The following CRACR2A variants were observed in gnomAD, a reference collection of about 807,000 sequenced individuals.
The protein encoded by CRACR2A is EF-hand calcium-binding domain-containing protein 4B.
CRACR2A carries 79 observed loss-of-function variants against 90.5 expected under a neutral mutation model. The observed-to-expected ratio is 0.87, with a 90% CI of 0.73 to 1.05. The LOEUF (loss-of-function observed/expected upper bound fraction) is 1.05, where lower values mean the gene tolerates loss of function less well. CRACR2A is among the 50% of genes least tolerant of loss of function. The pLI, the probability that CRACR2A is intolerant of heterozygous loss-of-function variation, is 0.00. For synonymous variants in CRACR2A, 338 were observed against 356.7 expected, an observed-to-expected ratio of 0.95 and a Z score of 0.59; for missense variants, 823 against 897.2, an observed-to-expected ratio of 0.92 and a Z score of 1.06.
At chr12:3,698,686 T>G (rs1344856179) in intron 3 of CRACR2A, among the ~76,000 whole-genome samples, 1 of 152,232 alleles carries the variant, frequency 6.6e-6, no homozygotes, top group Admixed American at 6.5e-5. Flanking sequence ...CACCTAATCC[T>G]AAGCAGATTT....
intron 10 of CRACR2A, among the ~76,000 whole-genome samples, chr12:3,652,362 T>C (rs1369506751): frequency 6.6e-6 from 1 of 152,232 alleles, no homozygotes; most frequent in Non-Finnish European, 1.5e-5. Flanking sequence ...TGATTTTGCT[T>C]GTTCACAATG....
At chr12:3,680,102 T>C (rs1945417116) in intron 5 of CRACR2A, 136 bp downstream of exon 5, 2 of 644,966 alleles carry the variant, frequency 3.1e-6, no homozygotes, top group East Asian at 2.9e-5. Context: ...CTGGAGACCT[T>C]GAGCTCCAGG....
At chr12:3,720,464 A>AAGCAAGCAAGCAAGCAAGCAAGCAAGC (rs1946152835) in intron 2 of CRACR2A, among the ~76,000 whole-genome samples, 237 of 150,900 alleles carry the variant, frequency 1.6e-3, no homozygotes, top group African/African-American at 5.5e-3. Context: ...AGAAAGAAAG[A>AAGCAAGCAAGCAAGCAAGCAAGCAAGC]AAGCAAAAGA....
chr12:3,649,660 G>A (rs1324050629), intron 10 of CRACR2A, among the ~76,000 whole-genome samples: 1 of 152,144 alleles, frequency 6.6e-6, no homozygotes, highest in Non-Finnish European at 1.5e-5. Context: ...GCAACTAGAG[G>A]GCAACTCAGG....
chr12:3,659,368 G>C (rs540348233), intron 8 of CRACR2A, among the ~76,000 whole-genome samples, 196 bp downstream of exon 8: 2 of 152,130 alleles, frequency 1.3e-5, no homozygotes, highest in East Asian at 1.9e-4. Context: ...AGCAGGAGGA[G>C]ATAGACACTC....
chr12:3,750,088 A>G (rs1226342941), intron 1 of CRACR2A, among the ~76,000 whole-genome samples: 2 of 151,868 alleles, frequency 1.3e-5, no homozygotes, highest in Admixed American at 6.6e-5. Context: ...GGTGCCTGCC[A>G]CCAAGCCCAG....
At chr12:3,747,432 C>G (rs1392071045) in intron 1 of CRACR2A, among the ~76,000 whole-genome samples, 1 of 152,140 alleles carries the variant, frequency 6.6e-6, no homozygotes, top group Non-Finnish European at 1.5e-5. Context: ...GGAAGCTGGC[C>G]TCCCTCCCGC....
At chr12:3,673,333 C>T (rs1680153211) in intron 7 of CRACR2A, 113 bp downstream of exon 7, 3 of 1,341,502 alleles carry the variant, frequency 2.2e-6, no homozygotes, top group Non-Finnish European at 3.1e-6. Flanking sequence ...CTTTGGCAGA[C>T]AGCAAAAGGA....
At chr12:3,748,969 T>G (rs1355004848) in intron 1 of CRACR2A, among the ~76,000 whole-genome samples, 1 of 152,102 alleles carries the variant, frequency 6.6e-6, no homozygotes, top group Non-Finnish European at 1.5e-5. Context: ...TGTTGGTGAG[T>G]AGAGAGCCAA....
intron 2 of CRACR2A, among the ~76,000 whole-genome samples, chr12:3,721,483 A>G (rs1406544645): frequency 6.6e-6 from 1 of 151,786 alleles, no homozygotes; most frequent in African/African-American, 2.4e-5. Flanking sequence ...AGTCCTAGCT[A>G]CTTGGGAGGC....
At chr12:3,631,488 T>G (rs1944374771) in intron 15 of CRACR2A, among the ~76,000 whole-genome samples, 1 of 152,126 alleles carries the variant, frequency 6.6e-6, no homozygotes, top group South Asian at 2.1e-4. Context: ...CCCCATGGAA[T>G]GCCCTCCGGG....
chr12:3,632,105 G>C (rs1458385381), intron 15 of CRACR2A, among the ~76,000 whole-genome samples: 1 of 152,142 alleles, frequency 6.6e-6, no homozygotes, highest in Non-Finnish European at 1.5e-5. Flanking sequence ...CTGTCCTCAT[G>C]AAGGAGTTCT....
chr12:3,670,751 C>A (rs1017815107), intron 7 of CRACR2A, among the ~76,000 whole-genome samples: 66 of 152,316 alleles, frequency 4.3e-4, no homozygotes, highest in African/African-American at 1.5e-3. Flanking sequence ...AGTGGCTGGG[C>A]AAGAGCTCCA....
chr12:3,632,551 A>G (rs1591641108), intron 15 of CRACR2A, among the ~76,000 whole-genome samples: 1 of 152,162 alleles, frequency 6.6e-6, no homozygotes, highest in African/African-American at 2.4e-5. Flanking sequence ...GCAGAAAAGC[A>G]TCTTCACCTC....
chr12:3,714,394 C>T (rs908143972), intron 2 of CRACR2A, among the ~76,000 whole-genome samples: 18 of 152,222 alleles, frequency 1.2e-4, no homozygotes, highest in African/African-American at 4.1e-4. Flanking sequence ...GTTGGCACCC[C>T]TGTCCCCTGC....
At chr12:3,738,667 T>C (rs766933072) in intron 1 of CRACR2A, among the ~76,000 whole-genome samples, 1 of 152,144 alleles carries the variant, frequency 6.6e-6, no homozygotes, top group African/African-American at 2.4e-5. Flanking sequence ...ATACATCTGT[T>C]TGGAGTTTCA....
At chr12:3,626,987 A>T (rs971028080) in intron 17 of CRACR2A, among the ~76,000 whole-genome samples, 6 of 152,154 alleles carry the variant, frequency 3.9e-5, no homozygotes, top group Admixed American at 1.3e-4. Flanking sequence ...GCTCCCGGGC[A>T]GGGCATAGCT....
At chr12:3,640,754 G>A in intron 13 of CRACR2A, 2 of 1,305,320 alleles carry the variant, frequency 1.5e-6, no homozygotes, top group African/African-American at 1.5e-5. Flanking sequence ...TGAAGAGTCG[G>A]GATGCCTCTA....
At chr12:3,616,872 G>T in intron 19 of CRACR2A, 82 bp downstream of exon 19, 2 of 1,124,004 alleles carry the variant, frequency 1.8e-6, no homozygotes, top group Non-Finnish European at 2.6e-6. Flanking sequence ...TGTGGCCTGG[G>T]TGGAGGGAAA....
Sources: gnomAD v4.1 joint callset for allele counts (sites outside exome capture counted in the v4.1 genomes callset) on GRCh38, gnomAD v4.1.1 for gene constraint, MANE v1.5 for transcripts, NCBI Gene and HGNC (gene_info 2026-07-23, HGNC 2026-07-21) for gene names.